Variants in C14orf119 observed in about 807,000 individuals in gnomAD.
The protein encoded by C14orf119 is uncharacterized protein C14orf119.
C14orf119 carries 17 observed loss-of-function variants against 13.5 expected under a neutral mutation model. The ratio of observed to expected loss-of-function variants is 1.26; its 90% CI spans 0.86 to 1.88. The LOEUF (loss-of-function observed/expected upper bound fraction) is 1.88, where lower values mean the gene tolerates loss of function less well. C14orf119 is among the 40% of genes most tolerant of loss of function. The pLI is 0.00. For missense variants in C14orf119, 162 were observed against 165.9 expected (o/e 0.98, Z 0.13); for synonymous variants, 61 against 61.9 (o/e 0.99, Z 0.07).
Position 23,098,182 on chromosome 14 carries a change from A to G in C14orf119, c.*101A>G, listed in dbSNP as rs945038904. 1.7e-5 allele frequency: 22 copies of G among 1,326,964 alleles called. No individual in the cohort carries two copies. The highest frequency in any genetic ancestry group is 2.2e-5 in the Non-Finnish European group (21 of 957,142). The allele number at this position is 1,326,964 out of a possible 1,614,324, so 82.2% of individuals were successfully genotyped here. On this transcript the variant is annotated 3_prime_UTR_variant, in exon 2 of 2. Coordinates refer to ENST00000319074, the MANE Select transcript of C14orf119 (RefSeq NM_017924.4). ...TGTCGCCTAAAGCTCTGGAACTGGT[A>G]TTCCAACCAGCTGACCGAACTCACT...
At chr14:23,095,650 G>A (rs1156829176) in intron 1 of C14orf119, 31 bp downstream of exon 1, 2 of 235,692 alleles carry the variant, frequency 8.5e-6, no homozygotes, top group African/African-American at 2.3e-5. Context: ...TCTATGGGCC[G>A]GGTCAGACTC....
chr14:23,095,643 A>G (rs1043028545), intron 1 of C14orf119, 24 bp downstream of exon 1: 3 of 252,190 alleles, frequency 1.2e-5, no homozygotes, highest in Non-Finnish European at 2.4e-5. Flanking sequence ...AAGTACCTCT[A>G]TGGGCCGGGT....
At position 23,099,783 on chromosome 14, in the gene C14orf119, T is replaced by G. The variant is rs2048416027; in HGVS notation, c.*1702T>G. 1 of 229,000 alleles carries G rather than the reference T, an allele frequency of 4.4e-6. No individual in the cohort carries two copies. The highest frequency in any genetic ancestry group is 1.9e-4 in the South Asian group (1 of 5,396). 14.2% of individuals were successfully genotyped at this position (229,000 alleles called of 1,614,324 possible). ...CATGAAGCCCCGCCTCATCCAAGCA[T>G]TAAGCTAAACAGGAAATCATTAAGA... is the stretch of plus-strand genomic sequence containing the variant. On this transcript the variant is annotated 3_prime_UTR_variant, in exon 2 of 2. Transcript: ENST00000319074.
chr14:23,097,502 C>T (rs776801279), intron 1 of C14orf119, 156 bp from the exon 2 acceptor site: 37 of 634,148 alleles, frequency 5.8e-5, no homozygotes, highest in Non-Finnish European at 9.1e-5. Context: ...GGATAATAAT[C>T]TAAATAAAGG....
chr14:23,097,059 T>C (rs1314108738), intron 1 of C14orf119, among the ~76,000 whole-genome samples: 1 of 152,216 alleles, frequency 6.6e-6, no homozygotes, highest in Non-Finnish European at 1.5e-5. Flanking sequence ...CTTACTCTGC[T>C]TTTTAACTTT....
chr14:23,095,700 C>T (rs2048359330), intron 1 of C14orf119, 81 bp downstream of exon 1: 1 of 173,796 alleles, frequency 5.8e-6, no homozygotes, highest in African/African-American at 2.4e-5. Context: ...GCCCCCCACT[C>T]CTTAACGCAA....
Position 23,098,304 on chromosome 14 carries a change from A to G in C14orf119, c.*223A>G. 2 of 540,386 alleles carry G rather than the reference A, an allele frequency of 3.7e-6. No homozygotes were observed. Among genetic ancestry groups the G allele is most frequent in the South Asian group, 2.5e-5 (1 of 39,442 alleles). 33.5% of individuals were successfully genotyped at this position (540,386 alleles called of 1,614,324 possible). On this transcript the variant is annotated 3_prime_UTR_variant, in exon 2 of 2. Transcript: ENST00000319074. ...TCTAAGCAATCCAGCTCATCAGTCT[A>G]CTAGTTTGCTTCTTTCCGAGAGATG...
Position 23,097,923 on chromosome 14 carries a change from C to T in C14orf119, c.265C>T (p.Pro89Ser), listed in dbSNP as rs1307867779. 1.9e-6 allele frequency: 3 copies of T among 1,614,158 alleles called. No individual in the cohort carries two copies. The highest frequency in any genetic ancestry group is 1.7e-6 in the Non-Finnish European group (2 of 1,179,990). Residue 89 changes from proline to serine, a missense_variant, in exon 2 of 2, where the codon CCT becomes TCT. Physicochemically the swap from Pro to Ser is moderately conservative, Grantham distance 74. Transcript: ENST00000319074. Reference protein sequence around the residue: ...QLSVSGADRPPSIFECQLHLW... With the variant: ...QLSVSGADRPSSIFECQLHLW... Reference sequence around the variant, plus strand: ...TAGTGTGTCTGGGGCAGACCGACCACCTTCTATCTTTGAGTGCCAGCTACA... The same window carrying T: ...TAGTGTGTCTGGGGCAGACCGACCATCTTCTATCTTTGAGTGCCAGCTACA...
At chr14:23,097,542 T>TA in intron 1 of C14orf119, 116 bp from the exon 2 acceptor site, 2 of 941,782 alleles carry the variant, frequency 2.1e-6, no homozygotes, top group Non-Finnish European at 3.2e-6. Context: ...TTTGAATTCA[T>TA]AAAAAGTAAT....
intron 1 of C14orf119, among the ~76,000 whole-genome samples, chr14:23,097,444 A>C (rs562167926): frequency 6.6e-6 from 1 of 152,372 alleles, no homozygotes; most frequent in Non-Finnish European, 1.5e-5. Flanking sequence ...TGAAAAAGGC[A>C]GGCAAATAGG....
At chr14:23,096,794 C>T (rs966337858) in intron 1 of C14orf119, among the ~76,000 whole-genome samples, 2 of 152,024 alleles carry the variant, frequency 1.3e-5, no homozygotes, top group Non-Finnish European at 2.9e-5. Flanking sequence ...CCAGGCTGGT[C>T]TCGAACACCT....
Position 23,098,140 on chromosome 14 carries a change from A to G in C14orf119, c.*59A>G. The G allele has an allele frequency of 6.5e-7, 1 of 1,542,848 alleles. No homozygotes were observed. Among genetic ancestry groups the G allele is most frequent in the Non-Finnish European group, 8.8e-7 (1 of 1,134,006 alleles). ...GATGGAGCCATGACTCTCTACAATG[A>G]TAACTCAATTCAAATGTGTCGCCTA... On this transcript the variant is annotated 3_prime_UTR_variant, in exon 2 of 2. Transcript: ENST00000319074.
rs893837271 is a variant in C14orf119, at chr14:23,099,006, A to G, written c.*925A>G. 13 of 253,506 alleles carry G rather than the reference A, an allele frequency of 5.1e-5. No individual in the cohort carries two copies. The highest frequency in any genetic ancestry group is 1.0e-4 in the Non-Finnish European group (13 of 124,924). The allele number at this position is 253,506 out of a possible 1,614,324, so 15.7% of individuals were successfully genotyped here. A position where few individuals can be genotyped will look rare whatever the true frequency, so the allele number is the denominator to read the frequency against. On this transcript the variant is annotated 3_prime_UTR_variant, in exon 2 of 2. Coordinates refer to ENST00000319074, the MANE Select transcript of C14orf119 (RefSeq NM_017924.4). ...TGTATGTGATATTCTTGGAACTGGT[A>G]GCAGGTGTTCCTATTCTGTAAGTTT... is the stretch of plus-strand genomic sequence containing the variant.
chr14:23,098,436 C>G lies in C14orf119; in HGVS notation c.*355C>G, dbSNP rs1481576403. On this transcript the variant is annotated 3_prime_UTR_variant, in exon 2 of 2. Coordinates refer to ENST00000319074, the MANE Select transcript of C14orf119 (RefSeq NM_017924.4). ...GCTCATGAAATGTGTAAAGTAGAAC[C>G]CTCCTTCCCGAGAAATAAGACAGGA... 4 of 224,966 alleles carry G rather than the reference C, an allele frequency of 1.8e-5. No homozygotes were observed. The Admixed American group carries it at 2.0e-4, about 12-fold the overall frequency. The allele number at this position is 224,966 out of a possible 1,614,324, so 13.9% of individuals were successfully genotyped here. A position where few individuals can be genotyped will look rare whatever the true frequency, so the allele number is the denominator to read the frequency against.
At position 23,099,937 on chromosome 14, in the gene C14orf119, A is replaced by C. The variant is rs2048417108; in HGVS notation, c.*1856A>C. Reference sequence around the variant, plus strand: ...AGGGAAGAGTCAGTCTATGTTCTTTAGGTAGCTAGACACAATCCCTAACAG... The same window carrying C: ...AGGGAAGAGTCAGTCTATGTTCTTTCGGTAGCTAGACACAATCCCTAACAG... On this transcript the variant is annotated 3_prime_UTR_variant, in exon 2 of 2. Transcript: ENST00000319074. The C allele has an allele frequency of 6.0e-6, 1 of 167,876 alleles. No homozygotes were observed. Among genetic ancestry groups the C allele is most frequent in the Admixed American group, 6.5e-5 (1 of 15,314 alleles). 10.4% of individuals were successfully genotyped at this position (167,876 alleles called of 1,614,324 possible).
rs748677575 is a variant in C14orf119 at position 23,098,110 on chromosome 14, T to C, written c.*29T>C. The C allele has an allele frequency of 1.0e-5, 16 of 1,594,142 alleles. No homozygotes were observed. The highest frequency in any genetic ancestry group is 8.6e-7 in the Non-Finnish European group (1 of 1,167,302). ...GCATTCAGACCAAAGAAGATAACCA[T>C]AGCTGATGGAGCCATGACTCTCTAC... On this transcript the variant is annotated 3_prime_UTR_variant, in exon 2 of 2. Transcript: ENST00000319074.
chr14:23,098,250 A>T lies in C14orf119; in HGVS notation c.*169A>T. The T allele has an allele frequency of 1.5e-6, 1 of 651,722 alleles. No individual in the cohort carries two copies. Among genetic ancestry groups the T allele is most frequent in the Non-Finnish European group, 2.7e-6 (1 of 373,768 alleles). The allele number at this position is 651,722 out of a possible 1,614,324, so 40.4% of individuals were successfully genotyped here. A position where few individuals can be genotyped will look rare whatever the true frequency, so the allele number is the denominator to read the frequency against. On this transcript the variant is annotated 3_prime_UTR_variant, in exon 2 of 2. Transcript: ENST00000319074. ...TTATTTCAACATTAATAGCATGTCA[A>T]CTGGACTCCTATTTGTAAATGTTAT...
Position 23,098,189 on chromosome 14 carries a change from C to A in C14orf119, c.*108C>A. 4.1e-6 allele frequency: 5 copies of A among 1,232,784 alleles called. No individual in the cohort carries two copies. Among genetic ancestry groups the A allele is most frequent in the African/African-American group, 1.5e-5 (1 of 66,480 alleles). The allele number at this position is 1,232,784 out of a possible 1,614,324, so 76.4% of individuals were successfully genotyped here. On this transcript the variant is annotated 3_prime_UTR_variant, in exon 2 of 2. Transcript: ENST00000319074. The stretch of plus-strand genomic sequence containing the variant: ...TAAAGCTCTGGAACTGGTATTCCAA[C>A]CAGCTGACCGAACTCACTGACCAGT...
chr14:23,096,242 C>A (rs1469476418), intron 1 of C14orf119, among the ~76,000 whole-genome samples: 1 of 152,186 alleles, frequency 6.6e-6, no homozygotes, highest in Non-Finnish European at 1.5e-5. Flanking sequence ...AGGTGCCGGG[C>A]GCGGTGGCTT....
Sources: allele counts gnomAD v4.1 joint callset (sites outside exome capture counted in the v4.1 genomes callset), GRCh38; gene constraint gnomAD v4.1.1; transcripts MANE v1.5; gene names NCBI Gene and HGNC (gene_info 2026-07-23, HGNC 2026-07-21).